The following OR2A5 variants were observed in gnomAD, a reference collection of about 807,000 sequenced individuals.
OR2A5 encodes olfactory receptor family 2 subfamily A member 5.
In OR2A5, 2 loss-of-function variants were observed where a neutral mutation model predicts 1.9. The ratio of observed to expected loss-of-function variants is 1.04; its 90% CI spans 0.43 to 3.28. The LOEUF is 3.28. OR2A5 is among the 30% of genes most tolerant of loss of function. The pLI, the probability that OR2A5 is intolerant of heterozygous loss-of-function variation, is 0.08. For synonymous variants in OR2A5, 160 were observed against 154.5 expected (o/e 1.04, Z -0.26); for missense variants, 391 against 375.9 (o/e 1.04, Z -0.33).
rs1563028564 is a variant in OR2A5, at chr7:144,056,178, G to C, written c.*4841G>C. 1.3e-5 allele frequency: 2 copies of C among 152,182 alleles called. No individual in the cohort carries two copies. Among genetic ancestry groups the C allele is most frequent in the Non-Finnish European group, 2.9e-5 (2 of 68,058 alleles). 9.4% of individuals were successfully genotyped at this position (152,182 alleles called of 1,614,324 possible). A position where few individuals can be genotyped will look rare whatever the true frequency, so the allele number is the denominator to read the frequency against. ...GGAACTGAGGCTTAGCACCTTCCTT[G>C]AAAATAAGGTATGGAGGAGGGTGGG... is the stretch of plus-strand genomic sequence containing the variant. On this transcript the variant is annotated 3_prime_UTR_variant, in exon 2 of 2. Transcript: ENST00000641693.
chr7:144,050,264 C>G (rs954111994), intron 1 of OR2A5, 87 bp from the exon 2 acceptor site: 1 of 568,414 alleles, frequency 1.8e-6, no homozygotes, highest in Non-Finnish European at 3.1e-6. Flanking sequence ...CTCCGAAAAA[C>G]CTTGCTGACT....
rs200388028 is a variant in OR2A5 at position 144,051,132 on chromosome 7, A to G, written c.731A>G (p.His244Arg). The change falls in exon 2 of 2, where the codon CAC (histidine) becomes CGC (arginine). Residue 244 changes from histidine (H) to arginine (R), a missense_variant. Physicochemically the swap from His to Arg is conservative, Grantham distance 29. Transcript: ENST00000641693. The stretch of plus-strand genomic sequence containing the variant: ...AAGGCCTTCTCCACCTGCTCCTCCC[A>G]CCTTTGCATGGTGGGACTCTTCTTT... ...RRKAFSTCSS[H>R]LCMVGLFFGS... 179 of 1,614,064 alleles carry G rather than the reference A, an allele frequency of 1.1e-4. No individual in the cohort carries two copies. In the African/African-American group the frequency reaches 2.2e-3, roughly 20 times the overall value.
rs1402835989 is a variant in OR2A5, at chr7:144,055,361, T to A, written c.*4024T>A. On this transcript the variant is annotated 3_prime_UTR_variant, in exon 2 of 2. Transcript: ENST00000641693. The stretch of plus-strand genomic sequence containing the variant: ...AAAGGTTGAGTAAAATATAAATACG[T>A]TGAACAGGCATTTGCAATAGAGTCT... 6.6e-6 allele frequency: 1 copy of A among 152,186 alleles called. No individual in the cohort carries two copies. The highest frequency in any genetic ancestry group is 1.5e-5 in the Non-Finnish European group (1 of 68,028). The allele number at this position is 152,186 out of a possible 1,614,324, so 9.4% of individuals were successfully genotyped here.
In OR2A5 at chr7:144,054,163, A is replaced by G. The variant is rs1422726474; in HGVS notation, c.*2826A>G. On this transcript the variant is annotated 3_prime_UTR_variant, in exon 2 of 2. Transcript: ENST00000641693. ...GAACCCAGCACAGGTGCAAGCTGAG[A>G]TGCTTGCTATGTTAGATTCACATCT... The G allele has an allele frequency of 6.6e-6, 1 of 152,264 alleles. No individual in the cohort carries two copies. Among genetic ancestry groups the G allele is most frequent in the Non-Finnish European group, 1.5e-5 (1 of 68,066 alleles). The allele number at this position is 152,264 out of a possible 1,614,324, so 9.4% of individuals were successfully genotyped here. A position where few individuals can be genotyped will look rare whatever the true frequency, so the allele number is the denominator to read the frequency against.
Position 144,055,274 on chromosome 7 carries a change from A to T in OR2A5, c.*3937A>T, listed in dbSNP as rs567435025. On this transcript the variant is annotated 3_prime_UTR_variant, in exon 2 of 2. Transcript: ENST00000641693. ...ATATGAGAAAATATTTTTGAACATT[A>T]TAAGTTATGCAACAATGAGGTCTTG... 4 of 152,212 alleles carry T rather than the reference A, an allele frequency of 2.6e-5. No individual in the cohort carries two copies. The highest frequency in any genetic ancestry group is 4.4e-5 in the Non-Finnish European group (3 of 68,036). The allele number at this position is 152,212 out of a possible 1,614,324, so 9.4% of individuals were successfully genotyped here. A position where few individuals can be genotyped will look rare whatever the true frequency, so the allele number is the denominator to read the frequency against.
Position 144,051,313 on chromosome 7 carries a change from GT to G in OR2A5, c.914del (p.Leu305CysfsTer23). ...AGGTCAAGGGTGCCCTGAAAAGAGT[GT>G]TGTGGAAACAGAGATCAAAGTGAGG... ...AEVKGALKRV[L>X]WKQRSK is the part of the protein sequence containing the mutation. On this transcript the variant is annotated frameshift_variant, in exon 2 of 2. Coordinates refer to ENST00000641693, the MANE Select transcript of OR2A5 (RefSeq NM_012365.2). LOFTEE classifies it high-confidence loss of function. The G allele has an allele frequency of 2.5e-6, 4 of 1,609,920 alleles. No homozygotes were observed. The highest frequency in any genetic ancestry group is 3.4e-6 in the Non-Finnish European group (4 of 1,177,862).
intron 1 of OR2A5, among the ~76,000 whole-genome samples, chr7:144,049,650 T>C (rs2128796958): frequency 6.6e-6 from 1 of 152,360 alleles, no homozygotes; most frequent in Admixed American, 6.5e-5. Flanking sequence ...ACTCTTCACA[T>C]AGATAACCAC....
rs1010924189 is a variant in OR2A5, at chr7:144,054,051, C to G, written c.*2714C>G. ...CCTTTATGATGTGATTAATGCTTTT[C>G]CAGGAAGTGTCCCCATCTCTCCTGT... On this transcript the variant is annotated 3_prime_UTR_variant, in exon 2 of 2. Transcript: ENST00000641693. 1 of 152,176 alleles carries G rather than the reference C, an allele frequency of 6.6e-6. No individual in the cohort carries two copies. The highest frequency in any genetic ancestry group is 2.4e-5 in the African/African-American group (1 of 41,422). The allele number at this position is 152,176 out of a possible 1,614,324, so 9.4% of individuals were successfully genotyped here. A position where few individuals can be genotyped will look rare whatever the true frequency, so the allele number is the denominator to read the frequency against.
At position 144,051,320 on chromosome 7, in the gene OR2A5, A is replaced by T; in HGVS notation, c.919A>T (p.Lys307Ter). ...GGGTGCCCTGAAAAGAGTGTTGTGG[A>T]AACAGAGATCAAAGTGAGGGATGCC... ...VKGALKRVLWKQRSK is the reference protein window; with the variant it reads ...VKGALKRVLW The change falls in exon 2 of 2, where the codon AAA (lysine) becomes TAA (stop). Residue 307 changes from lysine (K) to a stop codon, truncating the protein, a stop_gained. Transcript: ENST00000641693. LOFTEE classifies it high-confidence loss of function. 1 of 1,606,664 alleles carries T rather than the reference A, an allele frequency of 6.2e-7. No homozygotes were observed. Among genetic ancestry groups the T allele is most frequent in the Non-Finnish European group, 8.5e-7 (1 of 1,176,142 alleles).
At position 144,050,794 on chromosome 7, in the gene OR2A5, A is replaced by T. The variant is rs765302856; in HGVS notation, c.393A>T (p.Gln131His). 1.9e-6 allele frequency: 3 copies of T among 1,614,132 alleles called. No individual in the cohort carries two copies. Among genetic ancestry groups the T allele is most frequent in the Non-Finnish European group, 2.5e-6 (3 of 1,180,012 alleles). Residue 131 changes from glutamine to histidine, a missense_variant, in exon 2 of 2, where the codon CAA (glutamine) becomes CAT (histidine). Gln to His is a conservative substitution (Grantham distance 24). Coordinates refer to ENST00000641693, the MANE Select transcript of OR2A5 (RefSeq NM_012365.2). ...DRYMAICHPLQYSVIMRWGVC... is the reference protein window; with the variant it reads ...DRYMAICHPLHYSVIMRWGVC... ...ACATGGCTATCTGCCACCCTCTGCA[A>T]TATTCTGTCATCATGAGATGGGGAG... is the stretch of plus-strand genomic sequence containing the variant.
chr7:144,050,732 G>C lies in OR2A5; in HGVS notation c.331G>C (p.Glu111Gln), dbSNP rs751707716. 1 of 1,609,186 alleles carries C rather than the reference G, an allele frequency of 6.2e-7. No homozygotes were observed. Among genetic ancestry groups the C allele is most frequent in the Admixed American group, 1.7e-5 (1 of 59,832 alleles). The change falls in exon 2 of 2, where the codon GAG becomes CAG. Residue 111 changes from glutamate to glutamine, a missense_variant. Physicochemically the swap from Glu to Gln is conservative, Grantham distance 29. Coordinates refer to ENST00000641693, the MANE Select transcript of OR2A5 (RefSeq NM_012365.2). ...TFLYMAFAHT[E>Q]CLILVMMSYD... ...TTTATACATGGCTTTTGCTCACACT[G>C]AGTGTCTCATCTTGGTAATGATGTC...
At position 144,057,100 on chromosome 7, in the gene OR2A5, C is replaced by T. The variant is rs983792439; in HGVS notation, c.*5763C>T. ...AAGTGCTGGGATTACAGGCGTGAGC[C>T]ACCGCGCCCGGCCAACTCTTCTTAA... On this transcript the variant is annotated 3_prime_UTR_variant, in exon 2 of 2. Transcript: ENST00000641693. 2.6e-5 allele frequency: 4 copies of T among 152,088 alleles called. No individual in the cohort carries two copies. The highest frequency in any genetic ancestry group is 5.9e-5 in the Non-Finnish European group (4 of 68,024). 9.4% of individuals were successfully genotyped at this position (152,088 alleles called of 1,614,324 possible). A position where few individuals can be genotyped will look rare whatever the true frequency, so the allele number is the denominator to read the frequency against.
At position 144,051,210 on chromosome 7, in the gene OR2A5, A is replaced by T; in HGVS notation, c.809A>T (p.Gln270Leu). Residue 270 changes from glutamine (Q) to leucine (L), a missense_variant, in exon 2 of 2, where the codon CAG becomes CTG. Gln to Leu is a moderately radical substitution (Grantham distance 113, BLOSUM62 -2). Transcript: ENST00000641693. ...CCCAAGTCCCGCCACCCTGAGGAGC[A>T]GCAGAAGGTCCTTTCCCTGTTTTAC... ...MAPKSRHPEE[Q>L]QKVLSLFYSL... is the part of the protein sequence containing the mutation. The T allele has an allele frequency of 1.2e-6, 2 of 1,614,204 alleles. No individual in the cohort carries two copies. Among genetic ancestry groups the T allele is most frequent in the Non-Finnish European group, 1.7e-6 (2 of 1,180,032 alleles).
In OR2A5 at chr7:144,053,969, C is replaced by T. The variant is rs1156823112; in HGVS notation, c.*2632C>T. On this transcript the variant is annotated 3_prime_UTR_variant, in exon 2 of 2. Coordinates refer to ENST00000641693, the MANE Select transcript of OR2A5 (RefSeq NM_012365.2). ...ACACCCTGCTGTTCTCAGTGATCAT[C>T]TTACCTATGATTCTGGTCTTCTTTC... The T allele has an allele frequency of 1.3e-5, 2 of 152,226 alleles. No homozygotes were observed. The highest frequency in any genetic ancestry group is 4.8e-5 in the African/African-American group (2 of 41,444). 9.4% of individuals were successfully genotyped at this position (152,226 alleles called of 1,614,324 possible). A position where few individuals can be genotyped will look rare whatever the true frequency, so the allele number is the denominator to read the frequency against.
Position 144,051,300 on chromosome 7 carries a change from C to T in OR2A5, c.899C>T (p.Ala300Val). 6.2e-7 allele frequency: 1 copy of T among 1,611,816 alleles called. No homozygotes were observed. The highest frequency in any genetic ancestry group is 8.5e-7 in the Non-Finnish European group (1 of 1,178,854). Residue 300 changes from alanine to valine, a missense_variant, in exon 2 of 2, where the codon GCC becomes GTC. Coordinates refer to ENST00000641693, the MANE Select transcript of OR2A5 (RefSeq NM_012365.2). ...CTGAGGAACGCAGAGGTCAAGGGTG[C>T]CCTGAAAAGAGTGTTGTGGAAACAG... is the stretch of plus-strand genomic sequence containing the variant. ...YSLRNAEVKG[A>V]LKRVLWKQRS...
At chr7:144,050,257 C>T (rs956005574) in intron 1 of OR2A5, 94 bp from the exon 2 acceptor site, 33 of 553,214 alleles carry the variant, frequency 6.0e-5, no homozygotes, top group East Asian at 2.8e-4. Context: ...ATAATGGCTC[C>T]GAAAAACCTT....
At position 144,053,490 on chromosome 7, in the gene OR2A5, A is replaced by G. The variant is rs2050919117; in HGVS notation, c.*2153A>G. 1.3e-5 allele frequency: 2 copies of G among 152,342 alleles called. No individual in the cohort carries two copies. The highest frequency in any genetic ancestry group is 3.9e-4 in the East Asian group (2 of 5,190). The allele number at this position is 152,342 out of a possible 1,614,324, so 9.4% of individuals were successfully genotyped here. A position where few individuals can be genotyped will look rare whatever the true frequency, so the allele number is the denominator to read the frequency against. Reference sequence around the variant, plus strand: ...AAATGTTACCCCGTTTATCTTGCATAAACATCACAATGGAGTCGCTATTAT... The same window carrying G: ...AAATGTTACCCCGTTTATCTTGCATGAACATCACAATGGAGTCGCTATTAT... On this transcript the variant is annotated 3_prime_UTR_variant, in exon 2 of 2. Coordinates refer to ENST00000641693, the MANE Select transcript of OR2A5 (RefSeq NM_012365.2).
Position 144,056,839 on chromosome 7 carries a change from G to T in OR2A5, c.*5502G>T, listed in dbSNP as rs1202776383. 1 of 125,112 alleles carries T rather than the reference G, an allele frequency of 8.0e-6. No homozygotes were observed. Among genetic ancestry groups the T allele is most frequent in the Non-Finnish European group, 1.6e-5 (1 of 63,372 alleles). The allele number at this position is 125,112 out of a possible 1,614,324, so 7.8% of individuals were successfully genotyped here. On this transcript the variant is annotated 3_prime_UTR_variant, in exon 2 of 2. Coordinates refer to ENST00000641693, the MANE Select transcript of OR2A5 (RefSeq NM_012365.2). The stretch of plus-strand genomic sequence containing the variant: ...TTTTTTTTTTTTTTTTTTTGAGACG[G>T]AGTCTCGCTCTGTCGCCCAGGCTGG...
In OR2A5 at chr7:144,050,836, T is replaced by C. The variant is rs747555557; in HGVS notation, c.435T>C (p.Ala145=). ...IMRWGVCTVL[A]VTSWACGSLL... ...GATGGGGAGTGTGCACAGTCCTGGCTGTCACTTCTTGGGCATGTGGTTCCC... is the reference window on the plus strand; with the variant it reads ...GATGGGGAGTGTGCACAGTCCTGGCCGTCACTTCTTGGGCATGTGGTTCCC... The change falls in exon 2 of 2, where the codon GCT becomes GCC. Residue 145 remains alanine, a synonymous_variant. Transcript: ENST00000641693. The C allele has an allele frequency of 6.2e-7, 1 of 1,614,208 alleles. No homozygotes were observed. The highest frequency in any genetic ancestry group is 8.5e-7 in the Non-Finnish European group (1 of 1,180,042).
Sources: gnomAD v4.1 joint callset for allele counts (sites outside exome capture counted in the v4.1 genomes callset) on GRCh38, gnomAD v4.1.1 for gene constraint, MANE v1.5 for transcripts, NCBI Gene and HGNC (gene_info 2026-07-23, HGNC 2026-07-21) for gene names.